The following FHIT variants were observed in gnomAD, a reference collection of about 807,000 sequenced individuals.
FHIT encodes fragile histidine triad diadenosine triphosphatase.
In FHIT, 19 loss-of-function variants were observed where a neutral mutation model predicts 17.9. The ratio of observed to expected loss-of-function variants is 1.06; its 90% confidence interval spans 0.74 to 1.56. The LOEUF (loss-of-function observed/expected upper bound fraction) is 1.56. Ranked by LOEUF, FHIT falls within the 40% of genes most tolerant of loss-of-function variation. FHIT has a pLI of 0.00. For missense variants in FHIT, 248 were observed against 189.2 expected (o/e 1.31, Z -1.82); for synonymous variants, 81 against 69.7 (o/e 1.16, Z -0.81).
intron 5 of FHIT, among the ~76,000 whole-genome samples, chr3:60,433,096 A>T (rs1354423561): frequency 6.6e-6 from 1 of 152,048 alleles, no homozygotes; most frequent in Admixed American, 6.6e-5. Flanking sequence ...CCCTGCCCCC[A>T]TCACTATCCC....
intron 5 of FHIT, among the ~76,000 whole-genome samples, chr3:60,314,725 C>T (rs1709092369): frequency 6.6e-6 from 1 of 152,056 alleles, no homozygotes; most frequent in South Asian, 2.1e-4. Flanking sequence ...TCCTTCCATC[C>T]AGAAGTGAGG....
chr3:59,989,844 A>C (rs1265026057), intron 7 of FHIT, among the ~76,000 whole-genome samples: 2 of 152,072 alleles, frequency 1.3e-5, no homozygotes, highest in African/African-American at 4.8e-5. Flanking sequence ...TCCTCTCCAC[A>C]AATATCGGAG....
intron 4 of FHIT, among the ~76,000 whole-genome samples, chr3:60,559,719 T>G (rs562727400): frequency 6.6e-6 from 1 of 151,264 alleles, no homozygotes; most frequent in African/African-American, 2.4e-5. Flanking sequence ...GGCTCCTGTT[T>G]AACCTCCCAG....
chr3:60,141,162 G>T (rs1440649379), intron 5 of FHIT, among the ~76,000 whole-genome samples: 1 of 152,022 alleles, frequency 6.6e-6, no homozygotes, highest in Non-Finnish European at 1.5e-5. Flanking sequence ...AAGAGATGAG[G>T]CTATCACCTG....
chr3:60,644,904 T>TC lies in FHIT; in HGVS notation c.-17-107926dup, dbSNP rs1374286795. 4.6e-5 allele frequency among the ~76,000 whole-genome samples: 7 copies of TC among 152,276 alleles called. No individual in the cohort carries two copies. In the East Asian group the frequency reaches 9.7e-4, roughly 21 times the overall value. The stretch of plus-strand genomic sequence containing the variant: ...TGAAGAAACTAAGAGACAGAAGGGC[T>TC]CCTCCTTGTGCTAGTTCTGTTATAA... On this transcript the variant is annotated intron_variant, in intron 4 of 9. Transcript: ENST00000492590.
intron 8 of FHIT, among the ~76,000 whole-genome samples, chr3:59,904,347 G>T (rs554085883): frequency 6.6e-6 from 1 of 151,254 alleles, no homozygotes; most frequent in African/African-American, 2.4e-5. Flanking sequence ...AGGAAGGAGC[G>T]AGGGAAGGTG....
chr3:60,672,482 T>G (rs2107844725), intron 4 of FHIT, among the ~76,000 whole-genome samples: 1 of 152,308 alleles, frequency 6.6e-6, no homozygotes, highest in Non-Finnish European at 1.5e-5. Context: ...ATGTCATCAC[T>G]TAAGGCAAGG....
intron 1 of FHIT, among the ~76,000 whole-genome samples, chr3:61,211,804 C>A (rs555803856): frequency 1.3e-5 from 2 of 152,294 alleles, no homozygotes; most frequent in Admixed American, 1.3e-4. Flanking sequence ...TCCTCTGAGA[C>A]AAAACTTCCA....
At chr3:60,417,546 AAAG>A (rs1430136977) in intron 5 of FHIT, among the ~76,000 whole-genome samples, 1 of 152,212 alleles carries the variant, frequency 6.6e-6, no homozygotes, top group Non-Finnish European at 1.5e-5. Context: ...AGAAAAACTC[AAAG>A]AACACATAAT....
chr3:60,941,986 CTGT>C (rs1257727287), intron 3 of FHIT, among the ~76,000 whole-genome samples: 2 of 152,052 alleles, frequency 1.3e-5, no homozygotes, highest in East Asian at 1.9e-4. Flanking sequence ...TAAATAGTTT[CTGT>C]TGTTGTTGTT....
chr3:60,534,693 A>G (rs951723003), intron 5 of FHIT, among the ~76,000 whole-genome samples: 2 of 152,130 alleles, frequency 1.3e-5, no homozygotes, highest in African/African-American at 2.4e-5. Flanking sequence ...GCTACCTTCC[A>G]AACAAACTGA....
intron 4 of FHIT, among the ~76,000 whole-genome samples, chr3:60,811,687 A>G (rs1485549462): frequency 6.6e-6 from 1 of 152,204 alleles, no homozygotes; most frequent in African/African-American, 2.4e-5. Flanking sequence ...GAAATGACAT[A>G]GAAAACCCCA....
chr3:60,579,144 C>A (rs1329913037), intron 4 of FHIT, among the ~76,000 whole-genome samples: 2 of 152,090 alleles, frequency 1.3e-5, no homozygotes, highest in Non-Finnish European at 2.9e-5. Flanking sequence ...AGAAATGCAT[C>A]ATTAGGCAAT....
intron 5 of FHIT, among the ~76,000 whole-genome samples, chr3:60,411,104 C>T (rs1576613687): frequency 1.3e-5 from 2 of 152,074 alleles, no homozygotes; most frequent in African/African-American, 4.8e-5. Flanking sequence ...GTTAAATACA[C>T]ATAAAGGATT....
In FHIT at chr3:60,555,524, A is replaced by T. The variant is rs112895109; in HGVS notation, c.-17-18545T>A. 5.5e-4 allele frequency among the ~76,000 whole-genome samples: 83 copies of T among 152,250 alleles called. 1 individual carries two copies. The highest frequency in any genetic ancestry group is 1.8e-3 in the African/African-American group (75 of 41,532). ...TTCATTGCTTGACAAATGCTTTCCC[A>T]TTTCCCTGCACCCTAGACAAATTGG... On this transcript the variant is annotated intron_variant, in intron 4 of 9. Coordinates refer to ENST00000492590, the MANE Select transcript of FHIT (RefSeq NM_002012.4).
intron 5 of FHIT, among the ~76,000 whole-genome samples, chr3:60,037,677 C>T (rs556242303): frequency 5.3e-5 from 8 of 150,528 alleles, no homozygotes; most frequent in Non-Finnish European, 1.2e-4. Context: ...CCACTGCACC[C>T]GGCCTAAAAC....
At position 60,012,338 on chromosome 3, in the gene FHIT, G is replaced by A. The variant is rs138043893; in HGVS notation, c.250-938C>T. Among the ~76,000 whole-genome samples the A allele has an allele frequency of 8.5e-4, 128 of 149,750 alleles. 1 individual carries two copies. The highest frequency in any genetic ancestry group is 2.7e-3 in the African/African-American group (109 of 40,538). On this transcript the variant is annotated intron_variant, in intron 6 of 9. Coordinates refer to ENST00000492590, the MANE Select transcript of FHIT (RefSeq NM_002012.4). ...GGCCAGAGTATGGTGGCATGATGGC[G>A]GCTCACTGCACCCTTGACCTCCTGG...
intron 1 of FHIT, among the ~76,000 whole-genome samples, chr3:61,211,840 G>A (rs1278130610): frequency 5.3e-5 from 8 of 152,288 alleles, no homozygotes; most frequent in Non-Finnish European, 8.8e-5. Context: ...AGCAGCATTC[G>A]CGGTTCACGA....
intron 4 of FHIT, among the ~76,000 whole-genome samples, chr3:60,726,353 A>G (rs557389304): frequency 6.6e-6 from 1 of 152,332 alleles, no homozygotes; most frequent in South Asian, 2.1e-4. Context: ...GAAAATTAGG[A>G]ATCATTAAAC....
Sources: allele counts gnomAD v4.1 joint callset (sites outside exome capture counted in the v4.1 genomes callset), GRCh38; gene constraint gnomAD v4.1.1; transcripts MANE v1.5; gene names NCBI Gene and HGNC (gene_info 2026-07-23, HGNC 2026-07-21).